SLC26A5: variants seen among roughly 807,000 people sequenced by gnomAD.
The protein encoded by SLC26A5 is prestin.
In SLC26A5, 51 loss-of-function variants were observed where a neutral mutation model predicts 81.0. That is an observed-to-expected ratio of 0.63 (90% confidence interval 0.50 to 0.80). The LOEUF (loss-of-function observed/expected upper bound fraction) is 0.80, where lower values mean the gene tolerates loss of function less well. SLC26A5 is among the 30% of genes least tolerant of loss of function. The pLI, the probability that SLC26A5 is intolerant of heterozygous loss-of-function variation, is 0.00. For missense variants in SLC26A5, 771 were observed against 905.8 expected, an observed-to-expected ratio of 0.85 and a Z score of 1.91; for synonymous variants, 325 against 332.8, an observed-to-expected ratio of 0.98 and a Z score of 0.25.
intron 8 of SLC26A5, 99 bp downstream of exon 8, chr7:103,407,752 G>A: frequency 2.2e-6 from 3 of 1,377,872 alleles, no homozygotes; most frequent in East Asian, 2.3e-5. Context: ...TGGCAGAATT[G>A]AGAGCAAAAA....
At chr7:103,381,109 C>A (rs1821746904) in intron 14 of SLC26A5, among the ~76,000 whole-genome samples, 1 of 151,536 alleles carries the variant, frequency 6.6e-6, no homozygotes, top group Non-Finnish European at 1.5e-5. Context: ...ATCATACACA[C>A]TGCATATATA....
rs1819952177 is a variant in SLC26A5 at position 103,355,022 on chromosome 7, A to T, written c.2042-2096T>A. ...AATAATATCAAGAGTTTAAATACAG[A>T]TTTTACTCCTTCATGATTACAGATT... On this transcript the variant is annotated intron_variant, in intron 19 of 19. Coordinates refer to the SLC26A5 transcript ENST00000339444. The T allele has an allele frequency of 3.1e-6, 3 of 955,416 alleles. No individual in the cohort carries two copies. The South Asian group carries it at 4.3e-5, about 14-fold the overall frequency. 59.2% of individuals were successfully genotyped at this position (955,416 alleles called of 1,614,324 possible). A position where few individuals can be genotyped will look rare whatever the true frequency, so the allele number is the denominator to read the frequency against.
intron 14 of SLC26A5, among the ~76,000 whole-genome samples, 176 bp from the exon 15 acceptor site, chr7:103,380,725 A>C (rs148695660): frequency 1.1e-4 from 17 of 151,848 alleles, no homozygotes; most frequent in Non-Finnish European, 2.1e-4. Flanking sequence ...TGCCATTCCA[A>C]GCCTAATACA....
At chr7:103,394,385 T>C (rs1822919539) in intron 9 of SLC26A5, among the ~76,000 whole-genome samples, 2 of 152,234 alleles carry the variant, frequency 1.3e-5, no homozygotes, top group Admixed American at 6.5e-5. Context: ...CTGGGGGGTC[T>C]GGCTATAAAA....
chr7:103,370,729 GA>G (rs1292124868), downstream of SLC26A5, among the ~76,000 whole-genome samples: 2 of 152,178 alleles, frequency 1.3e-5, no homozygotes, highest in African/African-American at 4.8e-5. Flanking sequence ...CAGTGTCTAA[GA>G]CATAGATTGG....
chr7:103,404,638 T>C (rs1823879794), intron 8 of SLC26A5, among the ~76,000 whole-genome samples: 1 of 152,200 alleles, frequency 6.6e-6, no homozygotes, highest in South Asian at 2.1e-4. Context: ...TCAACCTTGG[T>C]GAATCTGATG....
In SLC26A5 at chr7:103,446,167, T is replaced by A. The variant is rs1234862533; in HGVS notation, c.-252A>T. The A allele has an allele frequency of 6.6e-6, 1 of 151,288 alleles. No individual in the cohort carries two copies. Among genetic ancestry groups the A allele is most frequent in the Admixed American group, 6.6e-5 (1 of 15,180 alleles). The allele number at this position is 151,288 out of a possible 1,614,324, so 9.4% of individuals were successfully genotyped here. On this transcript the variant is annotated 5_prime_UTR_variant, in exon 1 of 20. Transcript: ENST00000306312. ...GCCGCTGCCTCTTCGACGCGCGCGC[T>A]GCCTCCAGGTGCGGCTCTAGGAGGA... is the stretch of plus-strand genomic sequence containing the variant.
Position 103,403,162 on chromosome 7 carries a change from T to C in SLC26A5, c.888+4689A>G, listed in dbSNP as rs554687422. ...AGTCATTCAGGAGCAGGTTTTTCAG[T>C]TTCCATGTAGTTATGCAGTTTTGAG... On this transcript the variant is annotated intron_variant, in intron 8 of 19. Coordinates refer to ENST00000306312, the MANE Select transcript of SLC26A5 (RefSeq NM_198999.3). 3.9e-5 allele frequency among the ~76,000 whole-genome samples: 6 copies of C among 152,348 alleles called. No homozygotes were observed. In the East Asian group the frequency reaches 9.6e-4, roughly 24 times the overall value.
In SLC26A5 at chr7:103,410,400, G is replaced by T. The variant is rs1336423637; in HGVS notation, c.720C>A (p.Ile240=). ...FGVKTKRYSG[I]FSVVYSTVAV... is the part of the protein sequence containing the mutation. ...TCTTACTTACATACACCACGGAAAA[G>T]ATTCCACTGTACCGCTTTGTTTTAA... The change falls in exon 7 of 20, where the codon ATC becomes ATA. Residue 240 remains isoleucine (I), a synonymous_variant. Transcript: ENST00000306312. 1 of 1,614,028 alleles carries T rather than the reference G, an allele frequency of 6.2e-7. No individual in the cohort carries two copies. The highest frequency in any genetic ancestry group is 8.5e-7 in the Non-Finnish European group (1 of 1,179,904).
intron 4 of SLC26A5, among the ~76,000 whole-genome samples, chr7:103,414,958 T>C (rs1465173436): frequency 1.3e-5 from 2 of 152,196 alleles, no homozygotes; most frequent in Non-Finnish European, 2.9e-5. Flanking sequence ...TTCCCTCATA[T>C]ATTCTGTTAA....
At position 103,421,414 on chromosome 7, in the gene SLC26A5, G is replaced by A. The variant is rs1433412244; in HGVS notation, c.101C>T (p.Thr34Ile). The change falls in exon 3 of 20, where the codon ACA becomes ATA. Residue 34 changes from threonine to isoleucine, a missense_variant. By Grantham distance (89) the Thr-to-Ile change is moderately conservative. Coordinates refer to ENST00000306312, the MANE Select transcript of SLC26A5 (RefSeq NM_198999.3). ...SHPVLQERLH[T>I]KDKVPDSIAD... ...AATGGAATCAGGAACCTTGTCCTTTGTGTGTAGTCTTTCCTGGAGGACCGG... is the reference window on the plus strand; with the variant it reads ...AATGGAATCAGGAACCTTGTCCTTTATGTGTAGTCTTTCCTGGAGGACCGG... The A allele has an allele frequency of 3.7e-6, 6 of 1,613,982 alleles. No individual in the cohort carries two copies. Among genetic ancestry groups the A allele is most frequent in the Non-Finnish European group, 5.1e-6 (6 of 1,179,996 alleles).
At chr7:103,410,242 T>C (rs796864119) in intron 7 of SLC26A5, 143 bp downstream of exon 7, 24 of 748,976 alleles carry the variant, frequency 3.2e-5, no homozygotes, top group Non-Finnish European at 5.1e-5. Context: ...TCAGAAAACC[T>C]TAGAATAAAT....
intron 2 of SLC26A5, among the ~76,000 whole-genome samples, chr7:103,440,555 TAATTC>T (rs1256114358): frequency 6.6e-6 from 1 of 152,246 alleles, no homozygotes; most frequent in African/African-American, 2.4e-5. Context: ...CTTCCTACTT[TAATTC>T]ATTTTAAGAA....
chr7:103,366,042 C>A, intron 19 of SLC26A5: 1 of 1,536,682 alleles, frequency 6.5e-7, no homozygotes, highest in Non-Finnish European at 8.9e-7. Flanking sequence ...ATTTTGAAAC[C>A]AATTTTGAAT....
chr7:103,438,760 A>G (rs184632251), intron 2 of SLC26A5, among the ~76,000 whole-genome samples: 21 of 152,320 alleles, frequency 1.4e-4, no homozygotes, highest in Admixed American at 1.2e-3. Flanking sequence ...ATTATCTAGA[A>G]ATTTCCCTTC....
At chr7:103,388,724 A>G (rs2116455325) in intron 14 of SLC26A5, 1 of 384,942 alleles carries the variant, frequency 2.6e-6, no homozygotes, top group Non-Finnish European at 5.0e-6. Context: ...GCACTAGACC[A>G]GGAATGGCAG....
At chr7:103,437,024 GC>G (rs1826500323) in intron 2 of SLC26A5, among the ~76,000 whole-genome samples, 1 of 152,148 alleles carries the variant, frequency 6.6e-6, no homozygotes, top group Non-Finnish European at 1.5e-5. Context: ...GTAAGTATTT[GC>G]AAACCACACA....
Position 103,374,242 on chromosome 7 carries a change from TAC to T in SLC26A5, c.*155_*156del. 1 of 1,448,052 alleles carries T rather than the reference TAC, an allele frequency of 6.9e-7. No homozygotes were observed. The highest frequency in any genetic ancestry group is 9.0e-7 in the Non-Finnish European group (1 of 1,106,568). The allele number at this position is 1,448,052 out of a possible 1,614,324, so 89.7% of individuals were successfully genotyped here. A position where few individuals can be genotyped will look rare whatever the true frequency, so the allele number is the denominator to read the frequency against. Reference sequence around the variant, plus strand: ...AAGTATTCAATTAAAAAAACACAAGTACAATACATCTTGCTAGGCGTCATTCA... The same window carrying T: ...AAGTATTCAATTAAAAAAACACAAGTAATACATCTTGCTAGGCGTCATTCA... On this transcript the variant is annotated 3_prime_UTR_variant, in exon 20 of 20. Transcript: ENST00000306312.
intron 8 of SLC26A5, among the ~76,000 whole-genome samples, chr7:103,398,414 A>G (rs1371332803): frequency 3.3e-5 from 5 of 152,208 alleles, no homozygotes; most frequent in African/African-American, 1.2e-4. Context: ...ATGACACTGT[A>G]TGATTACAAA....
Sources: gnomAD v4.1 joint callset for allele counts (sites outside exome capture counted in the v4.1 genomes callset) on GRCh38, gnomAD v4.1.1 for gene constraint, MANE v1.5 for transcripts, NCBI Gene and HGNC (gene_info 2026-07-23, HGNC 2026-07-21) for gene names.